CYP2F1: variants seen among roughly 807,000 people sequenced by gnomAD.
CYP2F1 encodes the protein cytochrome P450 2F1.
In CYP2F1, 33 loss-of-function variants were observed where a neutral mutation model predicts 40.4. That is an observed-to-expected ratio of 0.82 (90% CI 0.62 to 1.09). The LOEUF is 1.09. Ranked by LOEUF, CYP2F1 falls within the 50% of genes least tolerant of loss-of-function variation. The probability of loss-of-function intolerance (pLI) is 0.00; values close to 1 mark genes in which losing one functional copy is unlikely to be tolerated. For synonymous variants in CYP2F1, 235 were observed against 277.2 expected (o/e 0.85, Z 1.51); for missense variants, 566 against 655.7 (o/e 0.86, Z 1.49).
rs201437439 is a variant in CYP2F1, at chr19:41,128,011, G to A, written c.1405G>A (p.Asp469Asn). ...GCCGCTGGGTGCGCCCGAGGACATC[G>A]ACCTGACCCCACTCAGCTCAGGTCT... is the stretch of plus-strand genomic sequence containing the variant. ...LQPLGAPEDIDLTPLSSGLGN... is the reference protein window; with the variant it reads ...LQPLGAPEDINLTPLSSGLGN... The change falls in exon 10 of 10, where the codon GAC becomes AAC. Residue 469 changes from aspartate to asparagine, a missense_variant. Coordinates refer to ENST00000331105, the MANE Select transcript of CYP2F1 (RefSeq NM_000774.5). The A allele has an allele frequency of 6.1e-5, 99 of 1,613,078 alleles. No individual in the cohort carries two copies. The highest frequency in any genetic ancestry group is 8.1e-5 in the Non-Finnish European group (96 of 1,180,028).
rs899548704 is a variant in CYP2F1 at position 41,125,147 on chromosome 19, C to T, written c.1152+241C>T. On this transcript the variant is annotated intron_variant, in intron 8 of 9. Coordinates refer to ENST00000331105, the MANE Select transcript of CYP2F1 (RefSeq NM_000774.5). Reference sequence around the variant, plus strand: ...ACCATGACAAATCCCCTTCCTAGAACCCCTCCCTGGAAGCCCTGGGGTCTG... The same window carrying T: ...ACCATGACAAATCCCCTTCCTAGAATCCCTCCCTGGAAGCCCTGGGGTCTG... 14 of 562,586 alleles carry T rather than the reference C, an allele frequency of 2.5e-5. No homozygotes were observed. In the Admixed American group the frequency reaches 4.9e-4, roughly 20 times the overall value. 34.8% of individuals were successfully genotyped at this position (562,586 alleles called of 1,614,324 possible).
At chr19:41,122,985 G>C in intron 7 of CYP2F1, 22 bp downstream of exon 7, 1 of 1,603,390 alleles carries the variant, frequency 6.2e-7, no homozygotes, top group Non-Finnish European at 8.5e-7. Context: ...CCACACAGCA[G>C]CGTGGAGGTG....
chr19:41,115,058 C>T (rs2031712859), intron 1 of CYP2F1, among the ~76,000 whole-genome samples: 1 of 152,106 alleles, frequency 6.6e-6, no homozygotes, highest in South Asian at 2.1e-4. Flanking sequence ...GCGTGAGCCA[C>T]CGTGCCCGGC....
chr19:41,128,267 C>T lies in CYP2F1; in HGVS notation c.*185C>T. The T allele has an allele frequency of 1.8e-6, 1 of 564,814 alleles. No individual in the cohort carries two copies. The highest frequency in any genetic ancestry group is 3.1e-6 in the Non-Finnish European group (1 of 327,788). The allele number at this position is 564,814 out of a possible 1,614,324, so 35.0% of individuals were successfully genotyped here. On this transcript the variant is annotated 3_prime_UTR_variant, in exon 10 of 10. Transcript: ENST00000331105. ...CTGTGCCCCGTCTGCAGGGCAGAGG[C>T]AGATGTGGCATGTCTTTTTGTACCC...
In CYP2F1 at chr19:41,128,120, G is replaced by A. The variant is rs560583866; in HGVS notation, c.*38G>A. ...TCCAGATTCGCCTGTGAGCGATGAGGCCCGCCCATGCGGGTTGCTACGTCC... is the reference window on the plus strand; with the variant it reads ...TCCAGATTCGCCTGTGAGCGATGAGACCCGCCCATGCGGGTTGCTACGTCC... On this transcript the variant is annotated 3_prime_UTR_variant, in exon 10 of 10. Transcript: ENST00000331105. 1.3e-6 allele frequency: 2 copies of A among 1,569,954 alleles called. No individual in the cohort carries two copies. The highest frequency in any genetic ancestry group is 1.2e-5 in the South Asian group (1 of 86,766).
intron 9 of CYP2F1, among the ~76,000 whole-genome samples, chr19:41,127,098 G>T (rs189102388): frequency 4.7e-4 from 71 of 152,282 alleles, no homozygotes; most frequent in African/African-American, 1.3e-3. Context: ...AGCAGGGTTT[G>T]CATCCCATCT....
Position 41,121,497 on chromosome 19 carries a change from T to G in CYP2F1, c.524T>G (p.Val175Gly), listed in dbSNP as rs2287942. ...CCCACGTTTGTGCTGAGTCGCTCAG[T>G]GTCCAACATTATCTGTTCCGTGCTC... Reference protein sequence around the residue: ...FDPTFVLSRSVSNIICSVLFG... With the variant: ...FDPTFVLSRSGSNIICSVLFG... Residue 175 changes from valine (V) to glycine (G), a missense_variant, in exon 5 of 10, where the codon GTG becomes GGG. Physicochemically the swap from Val to Gly is moderately radical, Grantham distance 109 (BLOSUM62 -3). Around this residue, in one of 5 missense-constraint regions of CYP2F1, gnomAD observed 264 missense variants for 275.7 expected, o/e 0.96. Coordinates refer to ENST00000331105, the MANE Select transcript of CYP2F1 (RefSeq NM_000774.5). The G allele has an allele frequency of 3.2e-3, 5,151 of 1,607,714 alleles. 524 individuals are homozygous for G. In the African/African-American group the frequency reaches 0.06, roughly 19 times the overall value.
In CYP2F1 at chr19:41,122,834, C is replaced by T. The variant is rs1190299277; in HGVS notation, c.835C>T (p.Pro279Ser). Residue 279 changes from proline to serine, a missense_variant, in exon 7 of 10, where the codon CCA becomes TCA. Pro to Ser is a moderately conservative substitution (Grantham distance 74, BLOSUM62 -1). Around this residue, in one of 5 missense-constraint regions of CYP2F1, gnomAD observed 62 missense variants for 105.6 expected, o/e 0.59. Transcript: ENST00000331105. Reference sequence around the variant, plus strand: ...TCTACCAATGCAGGAGAAGGAGGACCCACTGAGCCACTTCCACATGGATAC... The same window carrying T: ...TCTACCAATGCAGGAGAAGGAGGACTCACTGAGCCACTTCCACATGGATAC... ...LTKMAEEKED[P>S]LSHFHMDTLL... The T allele has an allele frequency of 6.5e-7, 1 of 1,539,314 alleles. No homozygotes were observed. The highest frequency in any genetic ancestry group is 1.3e-5 in the South Asian group (1 of 78,286).
At chr19:41,124,655 A>C in intron 7 of CYP2F1, 64 bp from the exon 8 acceptor site, 1 of 1,465,288 alleles carries the variant, frequency 6.8e-7, no homozygotes, top group East Asian at 2.4e-5. Flanking sequence ...CACACCTCTT[A>C]TCAGCCTGGT....
At chr19:41,120,248 C>T in intron 3 of CYP2F1, 99 bp from the exon 4 acceptor site, 4 of 1,245,736 alleles carry the variant, frequency 3.2e-6, no homozygotes, top group East Asian at 2.4e-5. Flanking sequence ...AGATTCCAAA[C>T]TCTGTCTCTC....
intron 8 of CYP2F1, chr19:41,125,141 C>T: frequency 1.8e-6 from 1 of 566,978 alleles, no homozygotes. Flanking sequence ...AATCCCCTTC[C>T]TAGAACCCCT....
chr19:41,121,656 T>A lies in CYP2F1; in HGVS notation c.645+38T>A, dbSNP rs749411218. ...AGTCCAGCAGGGGCAGGGTGTGGGG[T>A]CCGCAGGATCTAGGAATGGAGAGGA... is the stretch of plus-strand genomic sequence containing the variant. On this transcript the variant is annotated intron_variant, in intron 5 of 9. Coordinates refer to ENST00000331105, the MANE Select transcript of CYP2F1 (RefSeq NM_000774.5). 3 of 1,563,106 alleles carry A rather than the reference T, an allele frequency of 1.9e-6. No homozygotes were observed. In the South Asian group the frequency reaches 3.4e-5, roughly 18 times the overall value.
intron 6 of CYP2F1, among the ~76,000 whole-genome samples, 161 bp downstream of exon 6, chr19:41,122,294 G>A (rs1361879567): frequency 6.6e-6 from 1 of 151,844 alleles, no homozygotes; most frequent in Non-Finnish European, 1.5e-5. Flanking sequence ...GGAGCCACTC[G>A]CAGCCACCGC....
intron 1 of CYP2F1, among the ~76,000 whole-genome samples, chr19:41,115,036 C>G (rs1480435087): frequency 6.6e-6 from 1 of 152,118 alleles, no homozygotes; most frequent in East Asian, 1.9e-4. Context: ...TCCCAGAGTG[C>G]TGGGATTACA....
intron 3 of CYP2F1, among the ~76,000 whole-genome samples, chr19:41,119,232 G>C (rs749487521): frequency 6.6e-6 from 1 of 152,222 alleles, no homozygotes; most frequent in Non-Finnish European, 1.5e-5. Flanking sequence ...AGGAAGAGAA[G>C]AGACGGGGTC....
Position 41,117,449 on chromosome 19 carries a change from C to T in CYP2F1, c.334+832C>T, listed in dbSNP as rs35546134. Among the ~76,000 whole-genome samples, 1,167 of 152,156 alleles carry T rather than the reference C, an allele frequency of 7.7e-3. 13 individuals carry two copies. The highest frequency in any genetic ancestry group is 0.027 in the African/African-American group (1,116 of 41,518). On this transcript the variant is annotated intron_variant, in intron 3 of 9. Coordinates refer to ENST00000331105, the MANE Select transcript of CYP2F1 (RefSeq NM_000774.5). ...TCCTGGCCCAAACTGAATTCTGCTG[C>T]TACTTTCCCCCAATCCCAGCCCCAT...
In CYP2F1 at chr19:41,124,813, C is replaced by G. The variant is rs756135831; in HGVS notation, c.1059C>G (p.Ile353Met). ...CCATGCCTTACACAGACGCGGTGAT[C>G]CACGAGGTGCAGCGCTTTGCAGACA... ...RAAMPYTDAV[I>M]HEVQRFADII... The change falls in exon 8 of 10, where the codon ATC becomes ATG. Residue 353 changes from isoleucine to methionine, a missense_variant. Physicochemically the swap from Ile to Met is conservative, Grantham distance 10 (BLOSUM62 1). Coordinates refer to ENST00000331105, the MANE Select transcript of CYP2F1 (RefSeq NM_000774.5). 3.7e-6 allele frequency: 6 copies of G among 1,611,420 alleles called. No homozygotes were observed. In the African/African-American group the frequency reaches 8.0e-5, roughly 22 times the overall value.
At chr19:41,117,033 C>T (rs1477895257) in intron 3 of CYP2F1, among the ~76,000 whole-genome samples, 17 of 152,084 alleles carry the variant, frequency 1.1e-4, no homozygotes, top group Non-Finnish European at 5.9e-5. Flanking sequence ...ACAACACTGA[C>T]AGCATCTCAA....
chr19:41,116,523 G>A lies in CYP2F1; in HGVS notation c.240G>A (p.Gly80=). The A allele has an allele frequency of 6.2e-7, 1 of 1,614,058 alleles. No individual in the cohort carries two copies. The highest frequency in any genetic ancestry group is 1.1e-5 in the South Asian group (1 of 91,074). ...LGPRRVVVLS[G]YQAVKEALVD... is the part of the protein sequence containing the mutation. ...CCAGGCGGGTGGTGGTCCTCAGCGGGTACCAAGCTGTGAAGGAGGCCCTGG... is the reference window on the plus strand; with the variant it reads ...CCAGGCGGGTGGTGGTCCTCAGCGGATACCAAGCTGTGAAGGAGGCCCTGG... Residue 80 remains glycine (G), a synonymous_variant, in exon 3 of 10, where the codon GGG becomes GGA. Coordinates refer to ENST00000331105, the MANE Select transcript of CYP2F1 (RefSeq NM_000774.5).
Sources: gnomAD v4.1 joint callset for allele counts (sites outside exome capture counted in the v4.1 genomes callset) on GRCh38, gnomAD v4.1.1 for gene constraint, gnomAD v4.1.1 regional missense constraint, MANE v1.5 for transcripts, NCBI Gene and HGNC (gene_info 2026-07-23, HGNC 2026-07-21) for gene names.